The following PDE4D variants were observed in gnomAD, a reference collection of about 807,000 sequenced individuals.
The protein encoded by PDE4D is 3',5'-cyclic-AMP phosphodiesterase 4D.
Under a neutral mutation model 87.4 loss-of-function variants are expected in PDE4D, and 24 were observed. The observed-to-expected ratio is 0.27, with a 90% confidence interval of 0.20 to 0.39. The LOEUF (loss-of-function observed/expected upper bound fraction) is 0.39, where lower values mean the gene tolerates loss of function less well. Among genes scored for constraint, PDE4D ranks in the 10% least tolerant of loss-of-function variants. PDE4D has a pLI of 1.00. For synonymous variants in PDE4D, 384 were observed against 383.2 expected (o/e 1.00, Z -0.02); for missense variants, 714 against 1,041.0 (o/e 0.69, Z 4.32).
chr5:59,928,028 C>T (rs1332941375), intron 3 of PDE4D, among the ~76,000 whole-genome samples: 1 of 152,116 alleles, frequency 6.6e-6, no homozygotes, highest in Admixed American at 6.5e-5. Context: ...GAATCAGGGA[C>T]AAAGCTCTCA....
intron 1 of PDE4D, chr5:59,529,049 G>C: frequency 1.3e-5 from 6 of 469,236 alleles, no homozygotes; most frequent in South Asian, 9.6e-5. Flanking sequence ...GCTCATCGAA[G>C]ATCTTGCCTT....
intron 1 of PDE4D, among the ~76,000 whole-genome samples, chr5:59,855,222 G>A (rs565662409): frequency 7.9e-5 from 12 of 152,200 alleles, no homozygotes; most frequent in African/African-American, 2.9e-4. Flanking sequence ...TGTACCCCTA[G>A]GTCTTTGGAC....
At chr5:60,511,614 A>G (rs1395669719) in intron 1 of PDE4D, among the ~76,000 whole-genome samples, 7 of 151,630 alleles carry the variant, frequency 4.6e-5, no homozygotes, top group Non-Finnish European at 1.0e-4. Context: ...ACAGCATTGT[A>G]AGGTAGAAAT....
chr5:59,836,591 C>T (rs1268674056), intron 1 of PDE4D, among the ~76,000 whole-genome samples: 1 of 149,440 alleles, frequency 6.7e-6, no homozygotes, highest in African/African-American at 2.6e-5. Context: ...ATACTCACTA[C>T]TTTTTCTGTC....
intron 6 of PDE4D, among the ~76,000 whole-genome samples, chr5:59,005,196 C>T (rs900760286): frequency 1.3e-5 from 2 of 152,122 alleles, no homozygotes; most frequent in Non-Finnish European, 2.9e-5. Context: ...ATACAGTTTC[C>T]CTTCCCTCTA....
chr5:59,331,738 T>C (rs1479098717), intron 1 of PDE4D, among the ~76,000 whole-genome samples: 1 of 152,250 alleles, frequency 6.6e-6, no homozygotes, highest in Non-Finnish European at 1.5e-5. Context: ...GTTAAATTTA[T>C]GTTTTCAAGT....
At chr5:59,363,035 T>C (rs1276474916) in intron 1 of PDE4D, among the ~76,000 whole-genome samples, 3 of 152,194 alleles carry the variant, frequency 2.0e-5, no homozygotes, top group African/African-American at 7.2e-5. Context: ...CTGAATGAGT[T>C]TGTGAACCAA....
chr5:60,247,201 T>C (rs965711706), intron 1 of PDE4D, among the ~76,000 whole-genome samples: 3 of 151,966 alleles, frequency 2.0e-5, no homozygotes, highest in African/African-American at 7.2e-5. Context: ...CCTTTGTTAG[T>C]GAGACTAATA....
chr5:59,123,042 T>C (rs899364797), intron 5 of PDE4D, among the ~76,000 whole-genome samples: 11 of 152,098 alleles, frequency 7.2e-5, no homozygotes, highest in Non-Finnish European at 1.3e-4. Flanking sequence ...TTTTTTTTTT[T>C]CTTTGGTTTT....
chr5:59,440,986 T>C (rs778102485), intron 1 of PDE4D, among the ~76,000 whole-genome samples: 5 of 152,214 alleles, frequency 3.3e-5, no homozygotes, highest in Admixed American at 6.5e-5. Context: ...AAAATTTAAA[T>C]ATTGAAAAGT....
At chr5:60,192,797 C>A (rs1785300523) in intron 1 of PDE4D, among the ~76,000 whole-genome samples, 1 of 152,098 alleles carries the variant, frequency 6.6e-6, no homozygotes, top group Non-Finnish European at 1.5e-5. Context: ...CTTGGCTTCT[C>A]AAATTTTCAA....
At chr5:60,173,114 C>G (rs1333490697) in intron 2 of PDE4D, among the ~76,000 whole-genome samples, 1 of 152,040 alleles carries the variant, frequency 6.6e-6, no homozygotes, top group Non-Finnish European at 1.5e-5. Context: ...CCAGTAGGCA[C>G]ATGGTGTAAC....
chr5:59,669,054 A>T (rs1161983545), intron 1 of PDE4D, among the ~76,000 whole-genome samples: 3 of 152,184 alleles, frequency 2.0e-5, no homozygotes, highest in Non-Finnish European at 2.9e-5. Context: ...TTATGAAGAA[A>T]ATAAAAGGCT....
At chr5:59,676,999 C>G (rs942474007) in intron 1 of PDE4D, among the ~76,000 whole-genome samples, 3 of 151,548 alleles carry the variant, frequency 2.0e-5, no homozygotes, top group Non-Finnish European at 4.4e-5. Context: ...CTTTTTCTAG[C>G]TTACATTTTT....
chr5:59,617,471 G>C (rs1167804463), intron 1 of PDE4D, among the ~76,000 whole-genome samples: 1 of 152,180 alleles, frequency 6.6e-6, no homozygotes, highest in Non-Finnish European at 1.5e-5. Flanking sequence ...CCTCGTACGT[G>C]AGAATGTGAC....
At chr5:59,159,260 C>A (rs978988021) in intron 5 of PDE4D, among the ~76,000 whole-genome samples, 1 of 151,844 alleles carries the variant, frequency 6.6e-6, no homozygotes, top group African/African-American at 2.4e-5. Flanking sequence ...CCCCCAGTAG[C>A]TAGGACTACA....
intron 1 of PDE4D, among the ~76,000 whole-genome samples, chr5:59,576,532 T>A (rs1200121975): frequency 6.6e-6 from 1 of 152,156 alleles, no homozygotes; most frequent in Non-Finnish European, 1.5e-5. Flanking sequence ...TACACATAAT[T>A]ATTTATTAAG....
chr5:59,578,113 G>C (rs1823483497), intron 1 of PDE4D, among the ~76,000 whole-genome samples: 1 of 152,084 alleles, frequency 6.6e-6, no homozygotes, highest in East Asian at 1.9e-4. Flanking sequence ...ATTAAAAAGG[G>C]AGCAAAGCTG....
intron 1 of PDE4D, among the ~76,000 whole-genome samples, chr5:59,597,430 A>G (rs1826855523): frequency 6.6e-6 from 1 of 152,048 alleles, no homozygotes; most frequent in African/African-American, 2.4e-5. Context: ...TACACTTCCA[A>G]TCAAAATACT....
Sources: allele counts gnomAD v4.1 joint callset (sites outside exome capture counted in the v4.1 genomes callset), GRCh38; gene constraint gnomAD v4.1.1; transcripts MANE v1.5; gene names NCBI Gene and HGNC (gene_info 2026-07-23, HGNC 2026-07-21).